IL1RL2: variants seen among roughly 807,000 people sequenced by gnomAD.
The protein encoded by IL1RL2 is interleukin 1 receptor like 2.
IL1RL2 carries 68 observed loss-of-function variants against 66.8 expected under a neutral mutation model. That is an observed-to-expected ratio of 1.02 (90% CI 0.84 to 1.25). IL1RL2 has a LOEUF of 1.25. Among genes scored for constraint, IL1RL2 ranks in the 50% most tolerant of loss-of-function variants. IL1RL2 has a pLI of 0.00. For missense variants in IL1RL2, 729 were observed against 709.3 expected (o/e 1.03, Z -0.32); for synonymous variants, 305 against 264.6 (o/e 1.15, Z -1.48).
intron 6 of IL1RL2, among the ~76,000 whole-genome samples, chr2:102,216,855 C>T (rs1219064183): frequency 6.6e-6 from 1 of 152,112 alleles, no homozygotes; most frequent in Non-Finnish European, 1.5e-5. Flanking sequence ...ATACCCTTGA[C>T]TTTTATTGTC....
chr2:102,232,862 C>T (rs1691255494), intron 9 of IL1RL2, 101 bp from the exon 10 acceptor site: 3 of 1,370,504 alleles, frequency 2.2e-6, no homozygotes, highest in Non-Finnish European at 2.0e-6. Context: ...GTCATGGAAC[C>T]CAGGCCAAAG....
intron 5 of IL1RL2, among the ~76,000 whole-genome samples, chr2:102,206,438 T>C (rs1042167805): frequency 2.0e-5 from 3 of 152,230 alleles, no homozygotes; most frequent in African/African-American, 7.2e-5. Flanking sequence ...CTGTATCTGC[T>C]TTAGGGGGCA....
At chr2:102,219,770 T>C (rs1468065947) in intron 7 of IL1RL2, 111 bp from the exon 8 acceptor site, 7 of 1,037,524 alleles carry the variant, frequency 6.7e-6, no homozygotes, top group South Asian at 1.7e-5. Context: ...TAGGATAACA[T>C]GATGGCCCAA....
At chr2:102,204,355 C>T (rs999968045) in intron 5 of IL1RL2, among the ~76,000 whole-genome samples, 1 of 152,072 alleles carries the variant, frequency 6.6e-6, no homozygotes, top group Non-Finnish European at 1.5e-5. Context: ...ATGTATTCTA[C>T]AGCCATTGGA....
chr2:102,242,647 G>C (rs1019908512), downstream of IL1RL2, among the ~76,000 whole-genome samples: 1 of 152,120 alleles, frequency 6.6e-6, no homozygotes, highest in African/African-American at 2.4e-5. Context: ...GGCCTTGAAG[G>C]GATTTGGATG....
intron 10 of IL1RL2, 46 bp downstream of exon 10, chr2:102,233,170 G>A: frequency 6.4e-7 from 1 of 1,553,530 alleles, no homozygotes; most frequent in African/African-American, 1.4e-5. Flanking sequence ...AAGAAGGAAA[G>A]CGACCCCTCT....
chr2:102,187,764 G>A, intron 1 of IL1RL2, 92 bp from the exon 2 acceptor site: 1 of 1,091,454 alleles, frequency 9.2e-7, no homozygotes, highest in Non-Finnish European at 1.4e-6. Flanking sequence ...GGCCTGGGCG[G>A]TTGTCTTTGA....
At chr2:102,194,480 C>T (rs912156999) in intron 4 of IL1RL2, among the ~76,000 whole-genome samples, 11 of 152,132 alleles carry the variant, frequency 7.2e-5, no homozygotes, top group African/African-American at 2.4e-4. Flanking sequence ...CATAAGGGTA[C>T]GTAGAAAATG....
chr2:102,240,184 C>T (rs1463104341), downstream of IL1RL2, among the ~76,000 whole-genome samples: 1 of 152,078 alleles, frequency 6.6e-6, no homozygotes, highest in Non-Finnish European at 1.5e-5. Context: ...CAAAACCCAA[C>T]CTGTGATTGA....
intron 2 of IL1RL2, 72 bp downstream of exon 2, chr2:102,187,997 C>G (rs1299188204): frequency 6.8e-7 from 1 of 1,460,208 alleles, no homozygotes; most frequent in Non-Finnish European, 9.6e-7. Context: ...ATTGGGAGCC[C>G]CCGGGGATCG....
rs1189979635 is a variant in IL1RL2, at chr2:102,235,104, A to C, written c.1505A>C (p.Gln502Pro). The change falls in exon 11 of 12, where the codon CAG becomes CCG. Residue 502 changes from glutamine (Q) to proline (P), a missense_variant. Gln to Pro is a moderately conservative substitution (Grantham distance 76). Transcript: ENST00000264257. ...TACACAGTCATGCCAGAGTCAATTC[A>C]GTACATCAAACAGAAGCATGGTGCC... ...EDYTVMPESI[Q>P]YIKQKHGAIR... 6.2e-7 allele frequency: 1 copy of C among 1,614,246 alleles called. No individual in the cohort carries two copies. Among genetic ancestry groups the C allele is most frequent in the East Asian group, 2.2e-5 (1 of 44,882 alleles).
intron 8 of IL1RL2, among the ~76,000 whole-genome samples, chr2:102,222,702 C>T (rs1168576428): frequency 1.3e-5 from 2 of 152,138 alleles, no homozygotes; most frequent in African/African-American, 2.4e-5. Context: ...GGTTGAAAAC[C>T]TGTTTTCACC....
chr2:102,239,424 G>C lies in IL1RL2; in HGVS notation c.*183G>C, dbSNP rs548465349. ...TGGGGCCATCCCCATGTCATGGTGG[G>C]TGAGAGCTGGGGCCATCCCCGTGGT... On this transcript the variant is annotated 3_prime_UTR_variant, in exon 12 of 12. Transcript: ENST00000264257. 320 of 587,202 alleles carry C rather than the reference G, an allele frequency of 5.4e-4. 3 individuals are homozygous for C. The highest frequency in any genetic ancestry group is 5.2e-3 in the African/African-American group (282 of 53,992). The allele number at this position is 587,202 out of a possible 1,614,324, so 36.4% of individuals were successfully genotyped here. A position where few individuals can be genotyped will look rare whatever the true frequency, so the allele number is the denominator to read the frequency against.
chr2:102,189,162 T>C lies in IL1RL2; in HGVS notation c.145T>C (p.Ser49Pro), dbSNP rs1312338980. The C allele has an allele frequency of 2.5e-6, 4 of 1,614,120 alleles. No homozygotes were observed. The highest frequency in any genetic ancestry group is 3.4e-6 in the Non-Finnish European group (4 of 1,179,978). ...AFNCTFPPIT[S>P]GEVSVTWYKN... ...TAATTGTACATTCCCTCCCATAACA[T>C]CTGGGGAAGTCAGTGTAACATGGTA... The change falls in exon 3 of 12, where the codon TCT becomes CCT. Residue 49 changes from serine (S) to proline (P), a missense_variant. Transcript: ENST00000264257.
chr2:102,209,916 C>A (rs1689015706), intron 5 of IL1RL2, among the ~76,000 whole-genome samples: 1 of 152,090 alleles, frequency 6.6e-6, no homozygotes, highest in Admixed American at 6.5e-5. Flanking sequence ...CTGTGCCAGG[C>A]AGAGAGAACA....
At chr2:102,197,970 G>C (rs1346907089) in intron 4 of IL1RL2, among the ~76,000 whole-genome samples, 2 of 152,160 alleles carry the variant, frequency 1.3e-5, no homozygotes, top group African/African-American at 2.4e-5. Flanking sequence ...GCCACTTCCT[G>C]AGTACTTTCA....
chr2:102,208,636 G>A (rs1389731098), intron 5 of IL1RL2, among the ~76,000 whole-genome samples: 1 of 152,224 alleles, frequency 6.6e-6, no homozygotes, highest in Non-Finnish European at 1.5e-5. Context: ...TCTGGGTGGT[G>A]TGGATCCCTA....
chr2:102,210,114 CT>C (rs1168939926), intron 5 of IL1RL2, among the ~76,000 whole-genome samples: 1 of 152,114 alleles, frequency 6.6e-6, no homozygotes, highest in East Asian at 1.9e-4. Flanking sequence ...TCAGGGAAAG[CT>C]TTCTGATAAT....
intron 4 of IL1RL2, among the ~76,000 whole-genome samples, chr2:102,193,757 T>G (rs1248803907): frequency 6.6e-6 from 1 of 152,242 alleles, no homozygotes; most frequent in Non-Finnish European, 1.5e-5. Flanking sequence ...CTTTTTATTT[T>G]ATTTTGCTTT....
Sources: allele counts gnomAD v4.1 joint callset (sites outside exome capture counted in the v4.1 genomes callset), GRCh38; gene constraint gnomAD v4.1.1; transcripts MANE v1.5; gene names NCBI Gene and HGNC (gene_info 2026-07-23, HGNC 2026-07-21).